Variants in MDGA2 observed in about 807,000 individuals in gnomAD.
MDGA2 encodes the protein MAM domain containing glycosylphosphatidylinositol anchor 2.
MDGA2 carries 40 observed loss-of-function variants against 117.8 expected under a neutral mutation model. The observed-to-expected ratio is 0.34, with a 90% confidence interval of 0.26 to 0.44. The LOEUF (loss-of-function observed/expected upper bound fraction) is 0.44, where lower values mean the gene tolerates loss of function less well. Ranked by LOEUF, MDGA2 falls within the 20% of genes least tolerant of loss-of-function variation. The probability of loss-of-function intolerance (pLI) is 1.00; values close to 1 mark genes in which losing one functional copy is unlikely to be tolerated. For synonymous variants in MDGA2, 452 were observed against 439.0 expected (o/e 1.03, Z -0.37); for missense variants, 1,123 against 1,250.6 (o/e 0.90, Z 1.54).
intron 7 of MDGA2, among the ~76,000 whole-genome samples, chr14:47,037,888 A>G (rs1250858555): frequency 6.6e-6 from 1 of 152,192 alleles, no homozygotes; most frequent in Non-Finnish European, 1.5e-5. Context: ...AAGCTACCTG[A>G]CCTTGGCCAA....
chr14:47,344,274 C>T (rs1191194989), intron 1 of MDGA2, among the ~76,000 whole-genome samples: 1 of 152,114 alleles, frequency 6.6e-6, no homozygotes, highest in Non-Finnish European at 1.5e-5. Flanking sequence ...TGCCTCTCAT[C>T]CTGTTGTTAA....
intron 1 of MDGA2, among the ~76,000 whole-genome samples, chr14:47,641,636 T>C (rs1200710145): frequency 6.6e-6 from 1 of 152,100 alleles, no homozygotes; most frequent in Non-Finnish European, 1.5e-5. Context: ...TGATAAGTAG[T>C]GGCTATCTTC....
intron 8 of MDGA2, among the ~76,000 whole-genome samples, chr14:47,006,639 G>T (rs1277039629): frequency 6.6e-6 from 1 of 151,380 alleles, no homozygotes; most frequent in East Asian, 1.9e-4. Flanking sequence ...GGAAGCTGAT[G>T]ATGTCTATTA....
At chr14:46,847,144 G>A (rs1433541324) in intron 15 of MDGA2, among the ~76,000 whole-genome samples, 3 of 151,984 alleles carry the variant, frequency 2.0e-5, no homozygotes, top group Non-Finnish European at 2.9e-5. Context: ...GAATCTCCAG[G>A]TAGTAACCAG....
chr14:46,856,597 T>A (rs1049041968), intron 14 of MDGA2, among the ~76,000 whole-genome samples: 1 of 152,094 alleles, frequency 6.6e-6, no homozygotes, highest in Non-Finnish European at 1.5e-5. Context: ...CTAAGCGTAA[T>A]ATTGATGATA....
intron 10 of MDGA2, among the ~76,000 whole-genome samples, chr14:46,907,450 A>G (rs1883543065): frequency 6.6e-6 from 1 of 152,212 alleles, no homozygotes; most frequent in Non-Finnish European, 1.5e-5. Context: ...TTAGATTCAC[A>G]TGACATTTTT....
At chr14:46,910,987 C>T (rs1883677670) in intron 10 of MDGA2, among the ~76,000 whole-genome samples, 1 of 152,020 alleles carries the variant, frequency 6.6e-6, no homozygotes, top group Non-Finnish European at 1.5e-5. Context: ...ACACTGGGGC[C>T]TATTGAAGGG....
Position 46,874,712 on chromosome 14 carries a change from T to A in MDGA2, c.2438-512A>T, listed in dbSNP as rs114915788. Among the ~76,000 whole-genome samples the A allele has an allele frequency of 2.9e-3, 445 of 152,044 alleles. 3 individuals carry two copies. The highest frequency in any genetic ancestry group is 0.01 in the African/African-American group (428 of 41,544). ...AGGGCAAGCTAATAGCAAATTATTTTGAAAAGTATTTATCCTTCCTACTTT... is the reference window on the plus strand; with the variant it reads ...AGGGCAAGCTAATAGCAAATTATTTAGAAAAGTATTTATCCTTCCTACTTT... On this transcript the variant is annotated intron_variant, in intron 12 of 16. Transcript: ENST00000399232.
intron 1 of MDGA2, among the ~76,000 whole-genome samples, chr14:47,669,027 G>C (rs1408735160): frequency 6.6e-6 from 1 of 152,118 alleles, no homozygotes; most frequent in African/African-American, 2.4e-5. Flanking sequence ...CATGGTTCCT[G>C]ACAATGTTTT....
intron 2 of MDGA2, among the ~76,000 whole-genome samples, chr14:47,258,869 T>C (rs1187671362): frequency 6.6e-6 from 1 of 151,946 alleles, no homozygotes; most frequent in Non-Finnish European, 1.5e-5. Flanking sequence ...AATAAGAATA[T>C]GGAAATTTTA....
At chr14:47,195,242 T>C (rs1028891506) in intron 3 of MDGA2, among the ~76,000 whole-genome samples, 4 of 152,040 alleles carry the variant, frequency 2.6e-5, no homozygotes, top group Non-Finnish European at 4.4e-5. Context: ...AGGTTAGCAA[T>C]AGTTTTTAGA....
intron 1 of MDGA2, among the ~76,000 whole-genome samples, chr14:47,383,652 C>CCTTA (rs1046103224): frequency 2.1e-4 from 32 of 152,146 alleles, no homozygotes; most frequent in African/African-American, 7.7e-4. Flanking sequence ...GATTCTCCTG[C>CCTTA]CTTAGTCTCC....
rs186280692 is a variant in MDGA2 at position 47,486,069 on chromosome 14, G to A, written c.281-184519C>T. Among the ~76,000 whole-genome samples, 839 of 152,260 alleles carry A rather than the reference G, an allele frequency of 5.5e-3. 9 individuals carry two copies. The highest frequency in any genetic ancestry group is 0.019 in the African/African-American group (783 of 41,536). ...CCAGACCCCAGAATGGTAGATCCACGGACAGCCTGCATCATGCGCCTGGAA... is the reference window on the plus strand; with the variant it reads ...CCAGACCCCAGAATGGTAGATCCACAGACAGCCTGCATCATGCGCCTGGAA... On this transcript the variant is annotated intron_variant, in intron 1 of 16. Transcript: ENST00000399232.
intron 1 of MDGA2, among the ~76,000 whole-genome samples, chr14:47,353,041 A>G (rs1890918752): frequency 6.6e-6 from 1 of 152,166 alleles, no homozygotes; most frequent in Admixed American, 6.5e-5. Flanking sequence ...AGGATGAGGC[A>G]ACATTAATTA....
chr14:46,840,600 G>A lies in MDGA2; in HGVS notation c.*1331C>T, dbSNP rs1265116793. On this transcript the variant is annotated 3_prime_UTR_variant, in exon 17 of 17. Coordinates refer to ENST00000399232, the MANE Select transcript of MDGA2 (RefSeq NM_001113498.3). Reference sequence around the variant, plus strand: ...GCACAGAGTCTGACTAAAGGGCAGAGGCATATTACCCTCAGAGTTTAGAAT... The same window carrying A: ...GCACAGAGTCTGACTAAAGGGCAGAAGCATATTACCCTCAGAGTTTAGAAT... The A allele has an allele frequency of 2.0e-5, 3 of 152,380 alleles. No individual in the cohort carries two copies. 9.4% of individuals were successfully genotyped at this position (152,380 alleles called of 1,614,324 possible).
intron 1 of MDGA2, among the ~76,000 whole-genome samples, chr14:47,423,326 G>A (rs1270965033): frequency 6.6e-6 from 1 of 152,090 alleles, no homozygotes; most frequent in Non-Finnish European, 1.5e-5. Flanking sequence ...TCCATACTAA[G>A]TAACTATACC....
At chr14:47,128,201 C>T (rs1881999993) in intron 5 of MDGA2, among the ~76,000 whole-genome samples, 1 of 151,462 alleles carries the variant, frequency 6.6e-6, no homozygotes, top group South Asian at 2.1e-4. Context: ...GCTTTAATTG[C>T]TGCAGGACAG....
intron 2 of MDGA2, among the ~76,000 whole-genome samples, chr14:47,243,042 G>A (rs988840330): frequency 2.0e-5 from 3 of 150,976 alleles, no homozygotes; most frequent in Non-Finnish European, 3.0e-5. Context: ...TGGTGAGGAC[G>A]TGCAGAACCT....
intron 5 of MDGA2, among the ~76,000 whole-genome samples, chr14:47,102,334 C>A (rs1880375058): frequency 6.7e-6 from 1 of 149,692 alleles, no homozygotes; most frequent in Non-Finnish European, 1.5e-5. Context: ...ATAAAGTAAC[C>A]TAATTCACAG....
Sources: gnomAD v4.1 joint callset for allele counts (sites outside exome capture counted in the v4.1 genomes callset) on GRCh38, gnomAD v4.1.1 for gene constraint, MANE v1.5 for transcripts, NCBI Gene and HGNC (gene_info 2026-07-23, HGNC 2026-07-21) for gene names.